EPRS1: variants seen among roughly 807,000 people sequenced by gnomAD.
The protein encoded by EPRS1 is glutamyl-prolyl-tRNA synthetase 1, also known as bifunctional glutamate/proline--tRNA ligase.
A neutral mutation model predicts 188.3 loss-of-function variants in EPRS1; 107 were observed. The observed-to-expected ratio is 0.57, with a 90% CI of 0.49 to 0.67. EPRS1 has a LOEUF of 0.67. Ranked by LOEUF, EPRS1 falls within the 30% of genes least tolerant of loss-of-function variation. The probability of loss-of-function intolerance (pLI) is 0.00; values close to 1 mark genes in which losing one functional copy is unlikely to be tolerated. For missense variants in EPRS1, 1,577 were observed against 1,802.2 expected (o/e 0.88, Z 2.26); for synonymous variants, 596 against 593.1 (o/e 1.00, Z -0.07).
At position 220,015,522 on chromosome 1, in the gene EPRS1, TGGAAAGGGAAAG is replaced by T. The variant is rs57305274; in HGVS notation, c.1494+2915_1494+2926del. ...AAGACAAGAGAAAGAAAATAAAAGA[TGGAAAGGGAAAG>T]GGAAAGGGAAAGGGAGAGAATTCAA... On this transcript the variant is annotated intron_variant, in intron 12 of 31. Coordinates refer to ENST00000366923, the MANE Select transcript of EPRS1 (RefSeq NM_004446.3). Among the ~76,000 whole-genome samples the T allele has an allele frequency of 1.8e-4, 27 of 150,600 alleles. No individual in the cohort carries two copies. The South Asian group carries it at 3.1e-3, about 18-fold the overall frequency.
chr1:220,010,437 T>C (rs1661579596), intron 13 of EPRS1, among the ~76,000 whole-genome samples: 2 of 152,214 alleles, frequency 1.3e-5, no homozygotes, highest in Admixed American at 1.3e-4. Flanking sequence ...CTATGGATTG[T>C]TACTAAAATA....
At chr1:220,016,888 A>G (rs908988240) in intron 12 of EPRS1, among the ~76,000 whole-genome samples, 5 of 152,084 alleles carry the variant, frequency 3.3e-5, no homozygotes, top group African/African-American at 1.2e-4. Flanking sequence ...AAACATAGCT[A>G]AAAAAGTAGT....
chr1:219,993,717 T>TA (rs1285121688), intron 18 of EPRS1, among the ~76,000 whole-genome samples: 1 of 152,212 alleles, frequency 6.6e-6, no homozygotes, highest in East Asian at 1.9e-4. Flanking sequence ...GATAAGCTAG[T>TA]AAAACTATAA....
intron 19 of EPRS1, among the ~76,000 whole-genome samples, chr1:219,987,991 G>A (rs955442653): frequency 3.3e-5 from 5 of 152,052 alleles, no homozygotes; most frequent in Non-Finnish European, 7.4e-5. Flanking sequence ...TATTCCATAG[G>A]AATCTAAGTT....
chr1:220,028,924 A>G (rs568935573), intron 6 of EPRS1, among the ~76,000 whole-genome samples: 2 of 152,324 alleles, frequency 1.3e-5, no homozygotes, highest in Admixed American at 1.3e-4. Flanking sequence ...ACTGATTTAT[A>G]TTCCTGACCC....
At chr1:219,981,325 A>C in intron 24 of EPRS1, 53 bp downstream of exon 24, 2 of 1,304,778 alleles carry the variant, frequency 1.5e-6, no homozygotes, top group Admixed American at 2.2e-5. Context: ...TTTAAAAAAA[A>C]AAAAAAAAAG....
chr1:219,982,871 C>CT (rs750699383), intron 22 of EPRS1, 27 bp from the exon 23 acceptor site: 26 of 1,603,902 alleles, frequency 1.6e-5, no homozygotes, highest in South Asian at 4.4e-5. Flanking sequence ...ATTTTTCATA[C>CT]TTTTTTTTCA....
chr1:219,981,317 TAA>T (rs10595099), intron 24 of EPRS1, 59 bp downstream of exon 24: 50,907 of 937,706 alleles, frequency 0.054, 87 homozygotes, highest in Middle Eastern at 0.065. Context: ...AAATGTGCTT[TAA>T]AAAAAAAAAA....
chr1:219,978,378 A>T (rs1660818485), intron 28 of EPRS1, among the ~76,000 whole-genome samples, 168 bp downstream of exon 28: 3 of 152,214 alleles, frequency 2.0e-5, no homozygotes, highest in Non-Finnish European at 4.4e-5. Context: ...ACTATTGCAA[A>T]GCTATGAACT....
At chr1:220,000,730 C>T (rs1483862597) in intron 17 of EPRS1, among the ~76,000 whole-genome samples, 1 of 152,140 alleles carries the variant, frequency 6.6e-6, no homozygotes, top group Non-Finnish European at 1.5e-5. Context: ...CCTATAATCC[C>T]AGCACTCTGG....
rs1558267283 is a variant in EPRS1 at position 219,968,885 on chromosome 1, CAG to C, written c.4458_4459del (p.Cys1487Ter). ...ACATTTGGCTCCAGGCTGCAGTTCA[CAG>C]AGTGGTTTGAAGGGGATGCAAAGGC... On this transcript the variant is annotated frameshift_variant, in exon 32 of 32. Coordinates refer to ENST00000366923, the MANE Select transcript of EPRS1 (RefSeq NM_004446.3). LOFTEE classifies it high-confidence loss of function. The C allele has an allele frequency of 6.2e-7, 1 of 1,614,150 alleles. No homozygotes were observed.
chr1:220,020,968 C>T (rs112096786), intron 9 of EPRS1, among the ~76,000 whole-genome samples: 22,571 of 150,370 alleles, frequency 0.15, 2,217 homozygotes, highest in Admixed American at 0.27. Flanking sequence ...GTGCAACCTC[C>T]GCCTCCTGGG....
At chr1:219,986,341 T>G (rs1271253445) in intron 20 of EPRS1, among the ~76,000 whole-genome samples, 2 of 152,228 alleles carry the variant, frequency 1.3e-5, no homozygotes, top group Non-Finnish European at 2.9e-5. Flanking sequence ...TAGCTTGTAC[T>G]TACACAAACC....
At chr1:219,975,682 C>T (rs1660762454) in intron 28 of EPRS1, among the ~76,000 whole-genome samples, 1 of 152,174 alleles carries the variant, frequency 6.6e-6, no homozygotes. Flanking sequence ...GACGATCCAC[C>T]TGCCTCAGCC....
At chr1:220,015,765 A>G (rs1226242234) in intron 12 of EPRS1, among the ~76,000 whole-genome samples, 2 of 150,504 alleles carry the variant, frequency 1.3e-5, no homozygotes, top group African/African-American at 4.9e-5. Context: ...AGAATGACGT[A>G]TTACCTTCAG....
At chr1:219,974,224 G>A (rs1453111146) in intron 28 of EPRS1, among the ~76,000 whole-genome samples, 1 of 152,128 alleles carries the variant, frequency 6.6e-6, no homozygotes, top group Non-Finnish European at 1.5e-5. Context: ...GATTATAGAC[G>A]TGAGCCACCG....
rs955937574 is a variant in EPRS1 at position 219,993,793 on chromosome 1, G to A, written c.2541+3190C>T. ...TCTCAAGGTAAATAACATGGGAATC[G>A]GTCAATATTTTAATCTAGGCTTTGC... is the stretch of plus-strand genomic sequence containing the variant. On this transcript the variant is annotated intron_variant, in intron 18 of 31. Transcript: ENST00000366923. Among the ~76,000 whole-genome samples, 2 of 152,112 alleles carry A rather than the reference G, an allele frequency of 1.3e-5. 1 individual carries two copies. The highest frequency in any genetic ancestry group is 4.1e-4 in the South Asian group (2 of 4,834).
chr1:220,005,146 AC>A, intron 16 of EPRS1, 101 bp downstream of exon 16: 1 of 441,526 alleles, frequency 2.3e-6, no homozygotes, highest in Non-Finnish European at 4.0e-6. Flanking sequence ...GAGAAAGAAA[AC>A]TGTTAGGTAC....
intron 12 of EPRS1, among the ~76,000 whole-genome samples, chr1:220,011,302 C>G (rs543982742): frequency 7.6e-4 from 115 of 152,100 alleles, no homozygotes; most frequent in South Asian, 1.5e-3. Context: ...GAAAAGAAAC[C>G]AATTAAAGCA....
Sources: gnomAD v4.1 joint callset for allele counts (sites outside exome capture counted in the v4.1 genomes callset) on GRCh38, gnomAD v4.1.1 for gene constraint, MANE v1.5 for transcripts, NCBI Gene and HGNC (gene_info 2026-07-23, HGNC 2026-07-21) for gene names.